The following HTR2A variants were observed in gnomAD, a reference collection of about 807,000 sequenced individuals.
HTR2A encodes the protein 5-HT2 receptor.
A neutral mutation model predicts 31.0 loss-of-function variants in HTR2A; 14 were observed. The observed-to-expected ratio is 0.45, with a 90% CI of 0.30 to 0.71. HTR2A has a LOEUF of 0.71. Among genes scored for constraint, HTR2A ranks in the 30% least tolerant of loss-of-function variants. The pLI is 0.09. For missense variants in HTR2A, 442 were observed against 573.3 expected (o/e 0.77, Z 2.34); for synonymous variants, 209 against 225.2 (o/e 0.93, Z 0.64).
chr13:46,851,999 A>C (rs990452506), intron 3 of HTR2A: 1 of 152,170 alleles, frequency 6.6e-6, no homozygotes, highest in African/African-American at 2.4e-5. Context: ...AAGAGGGAGG[A>C]AGGTGTGTTG....
chr13:46,872,679 T>C (rs1035017957), intron 3 of HTR2A, among the ~76,000 whole-genome samples: 12 of 152,170 alleles, frequency 7.9e-5, no homozygotes, highest in Admixed American at 3.9e-4. Context: ...TCTCTGTTAG[T>C]TTAATACCTT....
At chr13:46,865,445 A>AATG (rs1950811556) in intron 3 of HTR2A, among the ~76,000 whole-genome samples, 2 of 114,598 alleles carry the variant, frequency 1.7e-5, no homozygotes, top group Admixed American at 9.1e-5. Flanking sequence ...AGAAAAGAAT[A>AATG]TAAGAGATTT....
chr13:46,897,732 C>T (rs1028130665), upstream of HTR2A, among the ~76,000 whole-genome samples: 1 of 152,328 alleles, frequency 6.6e-6, no homozygotes, highest in African/African-American at 2.4e-5. Context: ...GTTCTATCAC[C>T]TTCTGTTCTT....
intron 3 of HTR2A, among the ~76,000 whole-genome samples, chr13:46,865,268 T>C (rs916657116): frequency 2.0e-5 from 3 of 152,210 alleles, no homozygotes; most frequent in Admixed American, 6.5e-5. Flanking sequence ...AGCAAGTAGA[T>C]TGTCTTAAAA....
At chr13:46,837,919 AG>A (rs1950573038) in intron 3 of HTR2A, among the ~76,000 whole-genome samples, 1 of 152,202 alleles carries the variant, frequency 6.6e-6, no homozygotes, top group African/African-American at 2.4e-5. Context: ...ATGACATCAG[AG>A]CTGTTCATAA....
At position 46,834,828 on chromosome 13, in the gene HTR2A, A is replaced by G; in HGVS notation, c.*9T>C. ...TGTGCCTTCCACAGTTGCCACGGCA[A>G]CTAGCCTATCACACACAGCTCACCT... On this transcript the variant is annotated 3_prime_UTR_variant, in exon 4 of 4. Transcript: ENST00000542664. 6.3e-7 allele frequency: 1 copy of G among 1,591,686 alleles called. No homozygotes were observed. The highest frequency in any genetic ancestry group is 2.2e-5 in the East Asian group (1 of 44,566).
intron 3 of HTR2A, among the ~76,000 whole-genome samples, chr13:46,882,836 C>T (rs1390890327): frequency 1.3e-5 from 2 of 152,156 alleles, no homozygotes; most frequent in African/African-American, 4.8e-5. Context: ...CATCTATTTT[C>T]TTTTCTCACA....
chr13:46,860,492 T>C (rs1950771183), intron 3 of HTR2A, among the ~76,000 whole-genome samples: 2 of 152,142 alleles, frequency 1.3e-5, no homozygotes, highest in South Asian at 4.1e-4. Context: ...CACCTTTATG[T>C]TCTTTTGGAT....
chr13:46,846,701 G>T lies in HTR2A; in HGVS notation c.614-11062C>A, dbSNP rs138348281. On this transcript the variant is annotated intron_variant, in intron 3 of 3. Coordinates refer to ENST00000542664, the MANE Select transcript of HTR2A (RefSeq NM_000621.5). ...TCATATTGCCTTAAAAGTACACATT[G>T]GGATTCACAGAACAAGGACAAAAGA... Among the ~76,000 whole-genome samples the T allele has an allele frequency of 3.4e-4, 52 of 152,252 alleles. 1 individual carries two copies. The highest frequency in any genetic ancestry group is 1.2e-3 in the African/African-American group (48 of 41,554).
intron 3 of HTR2A, among the ~76,000 whole-genome samples, chr13:46,843,245 G>A (rs1454128394): frequency 2.0e-5 from 3 of 152,156 alleles, no homozygotes; most frequent in Non-Finnish European, 2.9e-5. Flanking sequence ...ATTAATGATT[G>A]TTAGTCTCTT....
chr13:46,838,528 T>G (rs776896054), intron 3 of HTR2A, among the ~76,000 whole-genome samples: 2 of 152,168 alleles, frequency 1.3e-5, no homozygotes, highest in Non-Finnish European at 2.9e-5. Context: ...TCCATTTTGC[T>G]TAGTTTGTAT....
At chr13:46,836,143 T>C (rs1876446250) in intron 3 of HTR2A, among the ~76,000 whole-genome samples, 1 of 151,946 alleles carries the variant, frequency 6.6e-6, no homozygotes, top group South Asian at 2.1e-4. Context: ...GCACACATTT[T>C]AAAACAGAAT....
intron 3 of HTR2A, chr13:46,856,406 T>C (rs1342918345): frequency 6.6e-6 from 1 of 152,200 alleles, no homozygotes; most frequent in Admixed American, 6.5e-5. Context: ...ACTGCAAGTT[T>C]ATGAAATTCA....
At chr13:46,878,278 A>G (rs1330270956) in intron 3 of HTR2A, among the ~76,000 whole-genome samples, 1 of 152,190 alleles carries the variant, frequency 6.6e-6, no homozygotes, top group East Asian at 1.9e-4. Context: ...AGAACCACTC[A>G]ACTGCTTGCA....
At chr13:46,886,950 G>T (rs910569638) in intron 3 of HTR2A, among the ~76,000 whole-genome samples, 1 of 152,104 alleles carries the variant, frequency 6.6e-6, no homozygotes, top group African/African-American at 2.4e-5. Flanking sequence ...AGGCAAACTA[G>T]AAATAGACTG....
At chr13:46,838,962 G>A (rs1273875993) in intron 3 of HTR2A, among the ~76,000 whole-genome samples, 2 of 145,544 alleles carry the variant, frequency 1.4e-5, no homozygotes, top group Non-Finnish European at 3.0e-5. Context: ...TAGTGTCTTT[G>A]GTTGGACACA....
chr13:46,848,057 A>C (rs1280928715), intron 3 of HTR2A, among the ~76,000 whole-genome samples: 1 of 152,186 alleles, frequency 6.6e-6, no homozygotes, highest in African/African-American at 2.4e-5. Context: ...CCAGCTCAGG[A>C]AAGCCCAAGA....
intron 3 of HTR2A, among the ~76,000 whole-genome samples, chr13:46,862,000 C>G (rs191714361): frequency 6.6e-6 from 1 of 152,316 alleles, no homozygotes; most frequent in African/African-American, 2.4e-5. Context: ...TAGATTCTGT[C>G]TTGCTATTAT....
intron 3 of HTR2A, among the ~76,000 whole-genome samples, chr13:46,843,632 G>A (rs1950617484): frequency 6.6e-6 from 1 of 152,168 alleles, no homozygotes; most frequent in South Asian, 2.1e-4. Context: ...ATGCTGGGCT[G>A]TTCGTTAAAG....
Sources: allele counts gnomAD v4.1 joint callset (sites outside exome capture counted in the v4.1 genomes callset), GRCh38; gene constraint gnomAD v4.1.1; transcripts MANE v1.5; gene names NCBI Gene and HGNC (gene_info 2026-07-23, HGNC 2026-07-21).